SPTBN1: variants seen among roughly 807,000 people sequenced by gnomAD.
The protein encoded by SPTBN1 is spectrin beta, non-erythrocytic 1, also known as spectrin beta chain, non-erythrocytic 1.
SPTBN1 carries 32 observed loss-of-function variants against 266.4 expected under a neutral mutation model. The ratio of observed to expected loss-of-function variants is 0.12; its 90% CI spans 0.09 to 0.16. SPTBN1 has a LOEUF of 0.16. SPTBN1 is among the 10% of genes least tolerant of loss of function. The pLI is 1.00. For synonymous variants in SPTBN1, 1,336 were observed against 1,162.2 expected, an observed-to-expected ratio of 1.15 and a Z score of -3.04; for missense variants, 2,296 against 3,067.1, an observed-to-expected ratio of 0.75 and a Z score of 5.94.
chr2:54,576,398 A>C (rs1016400648), intron 2 of SPTBN1, among the ~76,000 whole-genome samples: 1 of 152,054 alleles, frequency 6.6e-6, no homozygotes, highest in Non-Finnish European at 1.5e-5. Flanking sequence ...TTAATAACTT[A>C]AAGCTGGAAC....
chr2:54,460,559 CCT>C (rs1194368434), intron 1 of SPTBN1, among the ~76,000 whole-genome samples: 1 of 152,208 alleles, frequency 6.6e-6, no homozygotes, highest in African/African-American at 2.4e-5. Flanking sequence ...AGCAAAGGGT[CCT>C]CTCTGCTCCC....
chr2:54,488,616 T>C (rs1432251800), intron 1 of SPTBN1, among the ~76,000 whole-genome samples: 2 of 152,252 alleles, frequency 1.3e-5, no homozygotes, highest in East Asian at 3.9e-4. Flanking sequence ...GATTTCAGTG[T>C]TGTGCATTAT....
intron 6 of SPTBN1, 51 bp downstream of exon 6, chr2:54,617,739 C>G: frequency 6.4e-7 from 1 of 1,573,458 alleles, no homozygotes. Flanking sequence ...GGTTGCTGTC[C>G]TTCCATAGCA....
At chr2:54,473,217 T>A (rs964718823) in intron 1 of SPTBN1, among the ~76,000 whole-genome samples, 5 of 152,256 alleles carry the variant, frequency 3.3e-5, no homozygotes, top group Admixed American at 2.0e-4. Flanking sequence ...ATTTATAATT[T>A]GTAATTACTG....
intron 1 of SPTBN1, among the ~76,000 whole-genome samples, chr2:54,467,005 C>T (rs966512200): frequency 1.3e-5 from 2 of 151,804 alleles, no homozygotes; most frequent in African/African-American, 4.8e-5. Flanking sequence ...AAGAACTGGC[C>T]GAGAGAGCGC....
chr2:54,637,703 A>T lies in SPTBN1; in HGVS notation c.3768-10A>T. On this transcript the variant is annotated splice_polypyrimidine_tract_variant and intron_variant, in intron 17 of 35. Transcript: ENST00000356805. ...TTTTTTAAAAATTATTTTTGTTACC[A>T]TTCTAATAGACATAGGAAGAATCGT... 6.2e-7 allele frequency: 1 copy of T among 1,604,154 alleles called. No individual in the cohort carries two copies. The highest frequency in any genetic ancestry group is 2.2e-5 in the East Asian group (1 of 44,798).
intron 1 of SPTBN1, among the ~76,000 whole-genome samples, chr2:54,465,825 G>A (rs937849950): frequency 2.6e-5 from 4 of 151,914 alleles, no homozygotes; most frequent in Admixed American, 1.3e-4. Flanking sequence ...GCCAGTGGAG[G>A]AAATGTTTGG....
Position 54,622,491 on chromosome 2 carries a change from A to T in SPTBN1, c.1064+4A>T, listed in dbSNP as rs530665169. 13 of 1,613,760 alleles carry T rather than the reference A, an allele frequency of 8.1e-6. No homozygotes were observed. In the East Asian group the frequency reaches 2.2e-4, roughly 28 times the overall value. ...GCACTGTGGAGAAACCACCCAAGTA[A>T]GATGCATATTGTAGTGTGATCATTA... On this transcript the variant is annotated splice_donor_region_variant and intron_variant, in intron 9 of 35. Transcript: ENST00000356805.
intron 2 of SPTBN1, among the ~76,000 whole-genome samples, chr2:54,584,164 A>G (rs1280006636): frequency 1.3e-5 from 2 of 152,218 alleles, no homozygotes; most frequent in African/African-American, 4.8e-5. Context: ...TCTTGCATTC[A>G]GTAATATTAT....
Position 54,668,944 on chromosome 2 carries a change from G to A in SPTBN1, c.*375G>A, listed in dbSNP as rs1335911473. ...TTCCTGTGCTCACCAGAGGCAAAAT[G>A]TACCAATATCCTGACACCATTCTCT... On this transcript the variant is annotated 3_prime_UTR_variant, in exon 36 of 36. Coordinates refer to ENST00000356805, the MANE Select transcript of SPTBN1 (RefSeq NM_003128.3). The A allele has an allele frequency of 4.2e-6, 1 of 236,724 alleles. No homozygotes were observed. The highest frequency in any genetic ancestry group is 1.2e-4 in the East Asian group (1 of 8,406). The allele number at this position is 236,724 out of a possible 1,614,324, so 14.7% of individuals were successfully genotyped here. A position where few individuals can be genotyped will look rare whatever the true frequency, so the allele number is the denominator to read the frequency against.
Position 54,631,360 on chromosome 2 carries a change from G to A in SPTBN1, c.3313G>A (p.Glu1105Lys). 8 of 1,614,114 alleles carry A rather than the reference G, an allele frequency of 5.0e-6. No homozygotes were observed. Among genetic ancestry groups the A allele is most frequent in the East Asian group, 2.2e-5 (1 of 44,900 alleles). Residue 1105 changes from glutamate (E) to lysine (K), a missense_variant, in exon 16 of 36, where the codon GAG (glutamate) becomes AAG (lysine). Physicochemically the swap from Glu to Lys is moderately conservative, Grantham distance 56 (BLOSUM62 1). Coordinates refer to ENST00000356805, the MANE Select transcript of SPTBN1 (RefSeq NM_003128.3). ...GGCTGAGAAGCTGCTCACGCAGCAC[G>A]AGAACATCAAGAACGAGATCGACAA... ...TEAEKLLTQH[E>K]NIKNEIDNYE...
At chr2:54,586,811 G>A (rs2104602183) in intron 2 of SPTBN1, among the ~76,000 whole-genome samples, 1 of 152,304 alleles carries the variant, frequency 6.6e-6, no homozygotes, top group African/African-American at 2.4e-5. Context: ...AGAACGGCTG[G>A]AATTGGTACT....
In SPTBN1 at chr2:54,643,017, C is replaced by T. The variant is rs1679681514; in HGVS notation, c.3893C>T (p.Ala1298Val). ...TGGATCAATGAGAAGATGCTCACAG[C>T]CCAGGACATGTCTTACGATGAAGCC... ...SLWINEKMLTAQDMSYDEARN... is the reference protein window; with the variant it reads ...SLWINEKMLTVQDMSYDEARN... Residue 1298 changes from alanine to valine, a missense_variant, in exon 19 of 36, where the codon GCC becomes GTC. Ala to Val is a moderately conservative substitution (Grantham distance 64). Transcript: ENST00000356805. The T allele has an allele frequency of 6.2e-7, 1 of 1,613,860 alleles. No individual in the cohort carries two copies. The highest frequency in any genetic ancestry group is 8.5e-7 in the Non-Finnish European group (1 of 1,179,910).
At chr2:54,486,628 T>C (rs1400578047) in intron 1 of SPTBN1, among the ~76,000 whole-genome samples, 3 of 152,112 alleles carry the variant, frequency 2.0e-5, no homozygotes, top group Non-Finnish European at 4.4e-5. Flanking sequence ...GAGACCTTTT[T>C]TCACTTGTTT....
At chr2:54,463,406 C>T (rs1693467148) in intron 1 of SPTBN1, among the ~76,000 whole-genome samples, 1 of 152,198 alleles carries the variant, frequency 6.6e-6, no homozygotes, top group Non-Finnish European at 1.5e-5. Context: ...CCAGCACAAT[C>T]CTCAGTGGAG....
intron 1 of SPTBN1, among the ~76,000 whole-genome samples, chr2:54,483,734 C>T (rs1465991138): frequency 6.6e-6 from 1 of 152,180 alleles, no homozygotes; most frequent in Non-Finnish European, 1.5e-5. Flanking sequence ...AGGGGTGTGA[C>T]CCCCAGTGGC....
intron 16 of SPTBN1, among the ~76,000 whole-genome samples, chr2:54,631,905 G>A (rs1325654299): frequency 6.6e-6 from 1 of 151,956 alleles, no homozygotes; most frequent in Non-Finnish European, 1.5e-5. Context: ...TTGAGGTATT[G>A]ATCCAATTTA....
chr2:54,613,786 A>G (rs918984051), intron 4 of SPTBN1, among the ~76,000 whole-genome samples: 1 of 152,232 alleles, frequency 6.6e-6, no homozygotes, highest in Non-Finnish European at 1.5e-5. Flanking sequence ...TGAATCCACT[A>G]ATTACTGCTC....
rs767559687 is a variant in SPTBN1, at chr2:54,649,629, A to G, written c.5217A>G (p.Arg1739=). 2.5e-6 allele frequency: 4 copies of G among 1,609,106 alleles called. No individual in the cohort carries two copies. Among genetic ancestry groups the G allele is most frequent in the Non-Finnish European group, 3.4e-6 (4 of 1,175,630 alleles). ...DYEHVTMLQE[R]FREFARDTGN... is the part of the protein sequence containing the mutation. ...CCCCGTTTCAGATGTTACAAGAACGATTCCGGGAGTTTGCCCGAGACACCG... is the reference window on the plus strand; with the variant it reads ...CCCCGTTTCAGATGTTACAAGAACGGTTCCGGGAGTTTGCCCGAGACACCG... Residue 1739 remains arginine, a synonymous_variant, in exon 26 of 36, where the codon CGA becomes CGG. Transcript: ENST00000356805. This position sits in a 1 kb window ranked among gnomAD's most constrained non-coding sequence, Gnocchi z 6.7.
Sources: gnomAD v4.1 joint callset for allele counts (sites outside exome capture counted in the v4.1 genomes callset) on GRCh38, gnomAD v4.1.1 for gene constraint, Gnocchi (gnomAD v3.1) non-coding constraint, MANE v1.5 for transcripts, NCBI Gene and HGNC (gene_info 2026-07-23, HGNC 2026-07-21) for gene names.